The following CSMD1 variants were observed in gnomAD, a reference collection of about 807,000 sequenced individuals.
CSMD1 encodes CUB and sushi domain-containing protein 1.
Under a neutral mutation model 417.5 loss-of-function variants are expected in CSMD1, and 213 were observed. That is an observed-to-expected ratio of 0.51 (90% CI 0.46 to 0.57). The LOEUF is 0.57. CSMD1 is among the 20% of genes least tolerant of loss of function. The pLI is 0.00. For synonymous variants in CSMD1, 2,862 were observed against 1,736.8 expected, an observed-to-expected ratio of 1.65 and a Z score of -16.11; for missense variants, 6,923 against 4,529.7, an observed-to-expected ratio of 1.53 and a Z score of -15.17.
chr8:4,945,727 G>C (rs890057127), intron 1 of CSMD1, among the ~76,000 whole-genome samples: 5 of 152,078 alleles, frequency 3.3e-5, no homozygotes, highest in African/African-American at 1.2e-4. Flanking sequence ...ACAGCTTTTG[G>C]AGGGTACAAG....
At position 4,699,814 on chromosome 8, in the gene CSMD1, G is replaced by A. The variant is rs1011898423; in HGVS notation, c.86-62256C>T. Among the ~76,000 whole-genome samples the A allele has an allele frequency of 2.0e-5, 3 of 152,200 alleles. No homozygotes were observed. In the South Asian group the frequency reaches 6.2e-4, roughly 32 times the overall value. Reference sequence around the variant, plus strand: ...CTTGAACTCACCTAAAGAATGAACAGGTCTTGCCGATGCAGAGAGTACAAG... The same window carrying A: ...CTTGAACTCACCTAAAGAATGAACAAGTCTTGCCGATGCAGAGAGTACAAG... On this transcript the variant is annotated intron_variant, in intron 1 of 69. Transcript: ENST00000635120.
intron 2 of CSMD1, among the ~76,000 whole-genome samples, chr8:4,596,153 T>C (rs1162461588): frequency 6.6e-6 from 1 of 152,126 alleles, no homozygotes; most frequent in East Asian, 1.9e-4. Flanking sequence ...GCTTCAGGAA[T>C]ACATAAGTCT....
chr8:4,208,169 G>C (rs551777756), intron 3 of CSMD1, among the ~76,000 whole-genome samples: 4 of 152,090 alleles, frequency 2.6e-5, no homozygotes, highest in Non-Finnish European at 5.9e-5. Context: ...GGAGGCTAAG[G>C]TGTTAGAAAT....
At chr8:3,866,644 A>G (rs2129108947) in intron 5 of CSMD1, among the ~76,000 whole-genome samples, 1 of 151,698 alleles carries the variant, frequency 6.6e-6, no homozygotes, top group South Asian at 2.1e-4. Flanking sequence ...TTGGAATGTG[A>G]TTCAGGAAAT....
intron 2 of CSMD1, among the ~76,000 whole-genome samples, chr8:4,585,639 G>A (rs1420129791): frequency 1.3e-5 from 2 of 152,058 alleles, no homozygotes; most frequent in Non-Finnish European, 2.9e-5. Flanking sequence ...GACTGGCAAA[G>A]AAGCAACAAT....
At chr8:3,309,316 T>C (rs897007841) in intron 23 of CSMD1, among the ~76,000 whole-genome samples, 3 of 147,656 alleles carry the variant, frequency 2.0e-5, no homozygotes, top group African/African-American at 2.5e-5. Flanking sequence ...GTCAACTTCA[T>C]GGGAAAAGAA....
At chr8:3,885,952 G>A (rs928082283) in intron 5 of CSMD1, among the ~76,000 whole-genome samples, 13 of 151,782 alleles carry the variant, frequency 8.6e-5, no homozygotes, top group African/African-American at 2.9e-4. Context: ...TAAGTTATGG[G>A]CATAAATCAC....
intron 25 of CSMD1, among the ~76,000 whole-genome samples, chr8:3,296,506 GCA>G (rs1803978024): frequency 6.6e-6 from 1 of 152,124 alleles, no homozygotes; most frequent in Non-Finnish European, 1.5e-5. Flanking sequence ...ATATACCAAG[GCA>G]GGAGTCCTCA....
At chr8:3,751,044 C>A (rs1035000346) in intron 6 of CSMD1, among the ~76,000 whole-genome samples, 21 of 152,072 alleles carry the variant, frequency 1.4e-4, no homozygotes, top group African/African-American at 5.1e-4. Context: ...TGAACCTAAC[C>A]TTCCACAGGC....
At chr8:3,958,699 C>T (rs1996898) in intron 5 of CSMD1, among the ~76,000 whole-genome samples, 76,758 of 151,852 alleles carry the variant, frequency 0.51, 19,776 homozygotes, top group East Asian at 0.79. Flanking sequence ...CAGGACATAA[C>T]TGAGGGTCAA....
At chr8:3,396,087 G>C in intron 17 of CSMD1, 107 bp downstream of exon 17, 1 of 919,612 alleles carries the variant, frequency 1.1e-6, no homozygotes, top group Non-Finnish European at 1.7e-6. Context: ...AGTCAAGCAG[G>C]ATCAGTAAAC....
intron 1 of CSMD1, among the ~76,000 whole-genome samples, chr8:4,866,437 A>C (rs1282338408): frequency 6.6e-6 from 1 of 152,012 alleles, no homozygotes; most frequent in Non-Finnish European, 1.5e-5. Context: ...TGATAAAAGA[A>C]GTTTGTTCTA....
intron 3 of CSMD1, among the ~76,000 whole-genome samples, chr8:4,284,177 G>A (rs1446312201): frequency 6.6e-6 from 1 of 152,254 alleles, no homozygotes; most frequent in African/African-American, 2.4e-5. Flanking sequence ...AGACTAGGCT[G>A]GCCAACATGG....
intron 1 of CSMD1, among the ~76,000 whole-genome samples, chr8:4,980,732 G>A (rs1016274840): frequency 1.3e-5 from 2 of 152,034 alleles, no homozygotes; most frequent in Admixed American, 6.6e-5. Flanking sequence ...ACAAGACCCT[G>A]TCTCTGCAAA....
intron 2 of CSMD1, among the ~76,000 whole-genome samples, chr8:4,629,840 C>G (rs1486705420): frequency 6.6e-6 from 1 of 152,182 alleles, no homozygotes; most frequent in Non-Finnish European, 1.5e-5. Context: ...ATGTTGCAAA[C>G]TATGTGGCTG....
At chr8:3,743,059 A>T (rs1796894215) in intron 6 of CSMD1, among the ~76,000 whole-genome samples, 1 of 152,172 alleles carries the variant, frequency 6.6e-6, no homozygotes, top group African/African-American at 2.4e-5. Context: ...TGGTCCCTGT[A>T]TGGCAGCTGT....
chr8:3,102,192 C>G (rs985281231), intron 46 of CSMD1, among the ~76,000 whole-genome samples: 1 of 152,146 alleles, frequency 6.6e-6, no homozygotes, highest in Non-Finnish European at 1.5e-5. Context: ...CCCACTTGAG[C>G]ACAATCGAAT....
At chr8:3,376,466 T>A (rs867056747) in intron 18 of CSMD1, among the ~76,000 whole-genome samples, 1 of 151,996 alleles carries the variant, frequency 6.6e-6, no homozygotes, top group African/African-American at 2.4e-5. Context: ...AAAAAGATAA[T>A]TAAAATTTAC....
intron 5 of CSMD1, among the ~76,000 whole-genome samples, chr8:3,799,465 C>A (rs1296270455): frequency 7.1e-6 from 1 of 140,422 alleles, no homozygotes; most frequent in African/African-American, 2.7e-5. Context: ...TCTCACTGTT[C>A]AGTTCCCACC....
Sources: allele counts gnomAD v4.1 joint callset (sites outside exome capture counted in the v4.1 genomes callset), GRCh38; gene constraint gnomAD v4.1.1; transcripts MANE v1.5; gene names NCBI Gene and HGNC (gene_info 2026-07-23, HGNC 2026-07-21).